The following BEND6 variants were observed in gnomAD, a reference collection of about 807,000 sequenced individuals.
BEND6 encodes the protein BEN domain-containing protein 6.
In BEND6, 24 loss-of-function variants were observed where a neutral mutation model predicts 31.8. The ratio of observed to expected loss-of-function variants is 0.75; its 90% CI spans 0.55 to 1.06. BEND6 has a LOEUF of 1.06. BEND6 is among the 50% of genes least tolerant of loss of function. The pLI is 0.00. For missense variants in BEND6, 294 were observed against 327.4 expected (o/e 0.90, Z 0.79); for synonymous variants, 109 against 114.6 (o/e 0.95, Z 0.31).
intron 6 of BEND6, among the ~76,000 whole-genome samples, chr6:57,020,791 T>C (rs1352968609): frequency 6.6e-6 from 1 of 152,026 alleles, no homozygotes; most frequent in Non-Finnish European, 1.5e-5. Context: ...CACACTGTTA[T>C]ATTTCAGAGG....
chr6:56,986,355 T>A (rs1314681229), intron 2 of BEND6, among the ~76,000 whole-genome samples: 1 of 152,096 alleles, frequency 6.6e-6, no homozygotes, highest in South Asian at 2.1e-4. Flanking sequence ...GGAGGACTGC[T>A]TGAGCCCAGG....
chr6:56,997,187 T>G (rs1201149660), intron 3 of BEND6, among the ~76,000 whole-genome samples: 3 of 152,218 alleles, frequency 2.0e-5, no homozygotes, highest in Non-Finnish European at 4.4e-5. Flanking sequence ...AGTGTCTTTG[T>G]GCTTTCCATC....
chr6:57,012,651 A>G (rs1163392958), intron 3 of BEND6, among the ~76,000 whole-genome samples: 1 of 152,194 alleles, frequency 6.6e-6, no homozygotes, highest in Non-Finnish European at 1.5e-5. Context: ...TCACCTTACC[A>G]TTTTAATTGG....
intron 1 of BEND6, among the ~76,000 whole-genome samples, chr6:56,966,125 C>T (rs1825470134): frequency 6.6e-6 from 1 of 151,738 alleles, no homozygotes; most frequent in Non-Finnish European, 1.5e-5. Flanking sequence ...TTTTTGAGAC[C>T]GAGTCTTGCT....
chr6:56,971,488 G>A (rs1825686853), intron 1 of BEND6, among the ~76,000 whole-genome samples: 1 of 152,064 alleles, frequency 6.6e-6, no homozygotes, highest in Non-Finnish European at 1.5e-5. Context: ...TATATACCCA[G>A]GAGTAGAATT....
At chr6:56,980,620 G>C (rs972459361) in intron 1 of BEND6, among the ~76,000 whole-genome samples, 2 of 152,240 alleles carry the variant, frequency 1.3e-5, no homozygotes, top group East Asian at 3.8e-4. Flanking sequence ...AAAGGCTAAA[G>C]TAAGTTTTCA....
At chr6:56,962,707 TC>T (rs551385017) in intron 1 of BEND6, among the ~76,000 whole-genome samples, 125 of 152,302 alleles carry the variant, frequency 8.2e-4, no homozygotes, top group African/African-American at 3.0e-3. Flanking sequence ...GTATCAGACT[TC>T]CTGGTGGTTT....
intron 3 of BEND6, among the ~76,000 whole-genome samples, chr6:57,011,984 G>T (rs1014359812): frequency 6.6e-6 from 1 of 152,008 alleles, no homozygotes; most frequent in Non-Finnish European, 1.5e-5. Context: ...AAATTAGCTG[G>T]CATGGTAGTG....
intron 6 of BEND6, among the ~76,000 whole-genome samples, chr6:57,023,097 T>C (rs190554607): frequency 6.6e-6 from 1 of 152,368 alleles, no homozygotes; most frequent in East Asian, 1.9e-4. Context: ...GTGTATTTTA[T>C]AACAGTTGGG....
chr6:57,010,745 A>T (rs935136891), intron 3 of BEND6: 1 of 882,502 alleles, frequency 1.1e-6, no homozygotes, highest in African/African-American at 1.8e-5. Flanking sequence ...AAATTCTACA[A>T]AATTGTTGGT....
At chr6:57,010,072 A>G (rs1827293028) in intron 3 of BEND6, 1 of 152,220 alleles carries the variant, frequency 6.6e-6, no homozygotes, top group Admixed American at 6.5e-5. Flanking sequence ...AGCTGGTAAG[A>G]TCACAAAAAA....
chr6:56,983,770 A>G (rs1012949647), intron 2 of BEND6, among the ~76,000 whole-genome samples: 9 of 152,106 alleles, frequency 5.9e-5, no homozygotes, highest in African/African-American at 2.2e-4. Flanking sequence ...ATACCTATCT[A>G]TATTGCTATA....
Position 56,998,894 on chromosome 6 carries a change from A to C in BEND6, c.298+6339A>C, listed in dbSNP as rs368623608. Among the ~76,000 whole-genome samples, 11 of 152,356 alleles carry C rather than the reference A, an allele frequency of 7.2e-5. No individual in the cohort carries two copies. In the East Asian group the frequency reaches 1.3e-3, roughly 19 times the overall value. ...AAAATGTTTGCAAACTCTGCATCTG[A>C]CATGGGGTTAATATCCAGAAAATAT... On this transcript the variant is annotated intron_variant, in intron 3 of 6. Coordinates refer to ENST00000370746, the MANE Select transcript of BEND6 (RefSeq NM_152731.3).
chr6:57,012,682 A>C (rs1827389258), intron 3 of BEND6, among the ~76,000 whole-genome samples: 1 of 152,238 alleles, frequency 6.6e-6, no homozygotes, highest in African/African-American at 2.4e-5. Context: ...GCCTTGATAC[A>C]ATGCAATGTA....
intron 6 of BEND6, among the ~76,000 whole-genome samples, chr6:57,021,043 A>G (rs1282123582): frequency 1.3e-5 from 2 of 152,156 alleles, no homozygotes; most frequent in Non-Finnish European, 2.9e-5. Context: ...TTTTGCTATG[A>G]ACTTTGTGCC....
At chr6:56,983,885 A>G (rs1370450406) in intron 2 of BEND6, among the ~76,000 whole-genome samples, 2 of 152,200 alleles carry the variant, frequency 1.3e-5, no homozygotes, top group African/African-American at 2.4e-5. Context: ...TGCTACCACA[A>G]ACAATGACAA....
chr6:57,024,078 A>G (rs1045367749), intron 6 of BEND6, among the ~76,000 whole-genome samples: 1 of 152,206 alleles, frequency 6.6e-6, no homozygotes, highest in Non-Finnish European at 1.5e-5. Flanking sequence ...AACTTTATAA[A>G]GGGGTTTCTT....
intron 3 of BEND6, among the ~76,000 whole-genome samples, chr6:56,997,327 A>G (rs1431166369): frequency 6.6e-6 from 1 of 152,004 alleles, no homozygotes; most frequent in Non-Finnish European, 1.5e-5. Context: ...TTCTTCTCCC[A>G]GTTTTTATTC....
At chr6:56,963,633 A>G (rs1825362783) in intron 1 of BEND6, among the ~76,000 whole-genome samples, 1 of 152,004 alleles carries the variant, frequency 6.6e-6, no homozygotes, top group Admixed American at 6.6e-5. Flanking sequence ...AGGTTTGTCT[A>G]ATATAGACTC....
Sources: allele counts gnomAD v4.1 joint callset (sites outside exome capture counted in the v4.1 genomes callset), GRCh38; gene constraint gnomAD v4.1.1; transcripts MANE v1.5; gene names NCBI Gene and HGNC (gene_info 2026-07-23, HGNC 2026-07-21).